Variants in NIPBL observed in about 807,000 individuals in gnomAD.
NIPBL encodes NIPBL cohesin loading factor, also known as nipped-B-like protein.
NIPBL carries 19 observed loss-of-function variants against 321.8 expected under a neutral mutation model. The ratio of observed to expected loss-of-function variants is 0.06; its 90% confidence interval spans 0.04 to 0.09. The LOEUF (loss-of-function observed/expected upper bound fraction) is 0.09. NIPBL is among the 10% of genes least tolerant of loss of function. NIPBL has a pLI of 1.00. For synonymous variants in NIPBL, 1,106 were observed against 1,114.1 expected (o/e 0.99, Z 0.14); for missense variants, 2,210 against 3,327.0 (o/e 0.66, Z 8.26).
chr5:36,929,220 G>T (rs998473126), intron 1 of NIPBL, among the ~76,000 whole-genome samples: 1 of 152,014 alleles, frequency 6.6e-6, no homozygotes, highest in Non-Finnish European at 1.5e-5. Context: ...TGGTATCATT[G>T]TGGTTTCAGT....
At chr5:36,972,649 C>G (rs1328270632) in intron 8 of NIPBL, among the ~76,000 whole-genome samples, 1 of 152,132 alleles carries the variant, frequency 6.6e-6, no homozygotes, top group East Asian at 1.9e-4. Flanking sequence ...TCCTTCATAC[C>G]TAGCGGATAT....
At chr5:37,055,030 A>G (rs1275989397) in intron 42 of NIPBL, among the ~76,000 whole-genome samples, 1 of 152,140 alleles carries the variant, frequency 6.6e-6, no homozygotes, top group African/African-American at 2.4e-5. Flanking sequence ...ATAAATTACT[A>G]TGATAACAGT....
intron 45 of NIPBL, among the ~76,000 whole-genome samples, chr5:37,063,154 C>A (rs1324723600): frequency 6.6e-6 from 1 of 152,080 alleles, no homozygotes; most frequent in Non-Finnish European, 1.5e-5. Flanking sequence ...GTTTGGCCAA[C>A]ATTGCAAAAC....
chr5:36,879,879 ATGTT>A (rs1203946425), intron 1 of NIPBL, among the ~76,000 whole-genome samples: 1 of 152,120 alleles, frequency 6.6e-6, no homozygotes, highest in Non-Finnish European at 1.5e-5. Context: ...ATAATTTTCA[ATGTT>A]TGAGAAGTGT....
chr5:36,918,292 A>T (rs1748633686), intron 1 of NIPBL, among the ~76,000 whole-genome samples: 1 of 152,086 alleles, frequency 6.6e-6, no homozygotes, highest in South Asian at 2.1e-4. Flanking sequence ...AGCAACTGTG[A>T]GTGGGAGTTC....
chr5:36,885,879 C>T (rs979366275), intron 1 of NIPBL: 2 of 730,638 alleles, frequency 2.7e-6, no homozygotes, highest in Non-Finnish European at 5.0e-6. Flanking sequence ...GGCCTACAAG[C>T]CCAGCTCACC....
chr5:36,898,511 C>CTTT (rs550485997), intron 1 of NIPBL, among the ~76,000 whole-genome samples: 3 of 135,400 alleles, frequency 2.2e-5, no homozygotes, highest in South Asian at 2.3e-4. Flanking sequence ...TTTCTGATTC[C>CTTT]TTTTTTTTTT....
At chr5:37,041,946 C>T (rs2149726405) in intron 34 of NIPBL, among the ~76,000 whole-genome samples, 1 of 152,210 alleles carries the variant, frequency 6.6e-6, no homozygotes, top group African/African-American at 2.4e-5. Flanking sequence ...TCTTCTATCC[C>T]TAGACCCACT....
chr5:36,967,441 G>T (rs1742326812), intron 6 of NIPBL, among the ~76,000 whole-genome samples: 1 of 152,038 alleles, frequency 6.6e-6, no homozygotes, highest in African/African-American at 2.4e-5. Flanking sequence ...GTTCTAACAA[G>T]TTCTACCAAA....
chr5:36,962,058 G>A, intron 5 of NIPBL, 65 bp from the exon 6 acceptor site: 1 of 1,576,568 alleles, frequency 6.3e-7, no homozygotes, highest in East Asian at 2.2e-5. Flanking sequence ...GTGACAGTCA[G>A]ATTTCAAGGA....
intron 1 of NIPBL, among the ~76,000 whole-genome samples, chr5:36,937,397 A>G (rs752821538): frequency 6.6e-6 from 1 of 152,190 alleles, no homozygotes; most frequent in Non-Finnish European, 1.5e-5. Context: ...AGGACTGACT[A>G]AAGGTTGGCA....
intron 1 of NIPBL, among the ~76,000 whole-genome samples, chr5:36,896,689 T>C (rs1384681774): frequency 6.6e-6 from 1 of 152,180 alleles, no homozygotes; most frequent in African/African-American, 2.4e-5. Context: ...AAAGTCCGCC[T>C]CCCTGGTTCA....
chr5:36,933,410 T>TA (rs1286745271), intron 1 of NIPBL, among the ~76,000 whole-genome samples: 1 of 152,074 alleles, frequency 6.6e-6, no homozygotes, highest in East Asian at 1.9e-4. Context: ...TATGTTTATA[T>TA]AGTGGTTATT....
chr5:36,886,234 C>T (rs778194165), intron 1 of NIPBL: 1 of 661,086 alleles, frequency 1.5e-6, no homozygotes, highest in Non-Finnish European at 2.8e-6. Context: ...AATCCTGCTG[C>T]ACCTGGAGTC....
intron 32 of NIPBL, among the ~76,000 whole-genome samples, chr5:37,032,766 CTCTA>C (rs1451035252): frequency 6.6e-6 from 1 of 152,074 alleles, no homozygotes; most frequent in Non-Finnish European, 1.5e-5. Context: ...CAGAGTGAGA[CTCTA>C]TCTCACTCAC....
At chr5:36,956,616 CTTTTTT>C (rs34760816) in intron 3 of NIPBL, among the ~76,000 whole-genome samples, 3 of 79,478 alleles carry the variant, frequency 3.8e-5, no homozygotes, top group Admixed American at 1.5e-4. Context: ...TAAATCACTT[CTTTTTT>C]TTTTTTTTTT....
At chr5:36,950,461 A>G (rs1194180691) in intron 1 of NIPBL, among the ~76,000 whole-genome samples, 2 of 152,076 alleles carry the variant, frequency 1.3e-5, no homozygotes, top group African/African-American at 2.4e-5. Flanking sequence ...AGCAACTCTC[A>G]GATGGCTTTG....
At position 36,877,114 on chromosome 5, in the gene NIPBL, C is replaced by G. The variant is rs1406857353; in HGVS notation, c.-144C>G. 5.9e-6 allele frequency: 2 copies of G among 338,426 alleles called. No individual in the cohort carries two copies. Among genetic ancestry groups the G allele is most frequent in the Non-Finnish European group, 1.1e-5 (2 of 188,834 alleles). The allele number at this position is 338,426 out of a possible 1,614,324, so 21.0% of individuals were successfully genotyped here. On this transcript the variant is annotated 5_prime_UTR_variant, in exon 1 of 47. Coordinates refer to ENST00000282516, the MANE Select transcript of NIPBL (RefSeq NM_133433.4). ...GCCGTAGCCACCCCCCCTCCCGGCC[C>G]GGATTATAGTCTCTCGCCACAGCGG...
intron 38 of NIPBL, 38 bp from the exon 39 acceptor site, chr5:37,048,464 A>T: frequency 8.0e-7 from 1 of 1,257,326 alleles, no homozygotes; most frequent in Middle Eastern, 2.7e-4. Context: ...TTTAATTTTA[A>T]TATGAATATA....
Sources: gnomAD v4.1 joint callset for allele counts (sites outside exome capture counted in the v4.1 genomes callset) on GRCh38, gnomAD v4.1.1 for gene constraint, MANE v1.5 for transcripts, NCBI Gene and HGNC (gene_info 2026-07-23, HGNC 2026-07-21) for gene names.